Variants in SGCD observed in about 807,000 individuals in gnomAD.
SGCD encodes delta-sarcoglycan.
In SGCD, 18 loss-of-function variants were observed where a neutral mutation model predicts 36.6. The observed-to-expected ratio is 0.49, with a 90% CI of 0.34 to 0.73. SGCD has a LOEUF of 0.73. SGCD is among the 30% of genes least tolerant of loss of function. SGCD has a pLI of 0.01. For missense variants in SGCD, 387 were observed against 346.7 expected, an observed-to-expected ratio of 1.12 and a Z score of -0.92; for synonymous variants, 133 against 130.6, an observed-to-expected ratio of 1.02 and a Z score of -0.12.
chr5:156,227,764 G>A (rs182862960), intron 3 of SGCD, among the ~76,000 whole-genome samples: 17 of 152,146 alleles, frequency 1.1e-4, no homozygotes, highest in African/African-American at 2.6e-4. Context: ...CAGACTTTTC[G>A]ATGTAGGCAT....
chr5:155,924,118 T>G (rs1756946521), intron 1 of SGCD, among the ~76,000 whole-genome samples: 1 of 152,204 alleles, frequency 6.6e-6, no homozygotes, highest in Non-Finnish European at 1.5e-5. Context: ...CTCTTTTCCT[T>G]GTCCTTCTTG....
At chr5:155,811,807 A>AG in the SGCD span, among the ~76,000 whole-genome samples, 7,254 of 152,204 alleles carry the variant, frequency 0.048, 224 homozygotes, top group Middle Eastern at 0.14. Flanking sequence ...TAGTGAGGGC[A>AG]GGGGTAGGTT....
chr5:156,678,807 GC>G (rs1561853178), intron 7 of SGCD, among the ~76,000 whole-genome samples: 1 of 152,198 alleles, frequency 6.6e-6, no homozygotes, highest in Non-Finnish European at 1.5e-5. Flanking sequence ...AGCAAAGTGA[GC>G]AGTGTATGCC....
At chr5:156,416,889 G>C (rs1247335441) in intron 3 of SGCD, among the ~76,000 whole-genome samples, 2 of 152,172 alleles carry the variant, frequency 1.3e-5, no homozygotes, top group African/African-American at 4.8e-5. Flanking sequence ...TCATTTAAAT[G>C]AGTGGAAAAT....
chr5:156,278,292 T>C (rs1766371006), intron 3 of SGCD, among the ~76,000 whole-genome samples: 1 of 152,092 alleles, frequency 6.6e-6, no homozygotes, highest in Admixed American at 6.6e-5. Context: ...AGGAGTGGAA[T>C]GTTATTGAAG....
the SGCD span, among the ~76,000 whole-genome samples, chr5:155,774,335 C>T: frequency 6.6e-6 from 1 of 152,108 alleles, no homozygotes; most frequent in African/African-American, 2.4e-5. Flanking sequence ...CATTCTTTCC[C>T]CTTAAAAATG....
At chr5:155,753,223 C>T in the SGCD span, among the ~76,000 whole-genome samples, 1 of 151,812 alleles carries the variant, frequency 6.6e-6, no homozygotes, top group African/African-American at 2.4e-5. Flanking sequence ...TGTAGTCCCA[C>T]CTACTCGGGA....
At chr5:156,095,761 T>G (rs1761360690) in intron 1 of SGCD, among the ~76,000 whole-genome samples, 1 of 152,220 alleles carries the variant, frequency 6.6e-6, no homozygotes, top group Admixed American at 6.5e-5. Flanking sequence ...GTCACTCAAG[T>G]GGCTGGGTAA....
intron 3 of SGCD, among the ~76,000 whole-genome samples, chr5:156,218,110 C>G (rs1274620248): frequency 6.6e-6 from 1 of 151,948 alleles, no homozygotes; most frequent in Non-Finnish European, 1.5e-5. Flanking sequence ...CCCGTCTCTA[C>G]TAAAAATACA....
intron 3 of SGCD, among the ~76,000 whole-genome samples, chr5:156,253,020 G>A (rs1765621741): frequency 6.6e-6 from 1 of 152,108 alleles, no homozygotes; most frequent in Non-Finnish European, 1.5e-5. Context: ...TCTTTATCAA[G>A]GCTCTATGCT....
At chr5:155,905,580 G>T (rs191113767) in intron 1 of SGCD, among the ~76,000 whole-genome samples, 1 of 152,146 alleles carries the variant, frequency 6.6e-6, no homozygotes, top group East Asian at 1.9e-4. Context: ...TCATTTTATT[G>T]CATTTGGCTT....
intron 7 of SGCD, among the ~76,000 whole-genome samples, chr5:156,751,428 G>C (rs936771588): frequency 1.3e-5 from 2 of 151,824 alleles, no homozygotes; most frequent in African/African-American, 4.8e-5. Flanking sequence ...GTAAGACACA[G>C]AAAGTGCAAT....
At chr5:155,862,599 T>C in the SGCD span, among the ~76,000 whole-genome samples, 1 of 152,172 alleles carries the variant, frequency 6.6e-6, no homozygotes, top group Non-Finnish European at 1.5e-5. Context: ...AGCTCCCAAA[T>C]TGCTAGGTGA....
the SGCD span, among the ~76,000 whole-genome samples, chr5:155,761,481 C>CCATCATCCTCACCATCACCCTCTT: frequency 7.1e-6 from 1 of 141,422 alleles, no homozygotes; most frequent in Admixed American, 7.2e-5. Context: ...ATCACCCTCT[C>CCATCATCCTCACCATCACCCTCTT]CATCACCTTC....
At chr5:156,436,048 A>G (rs1444103320) in intron 3 of SGCD, among the ~76,000 whole-genome samples, 2 of 152,154 alleles carry the variant, frequency 1.3e-5, no homozygotes, top group East Asian at 3.8e-4. Flanking sequence ...CCCAAAGCCT[A>G]CACTTATCAG....
intron 3 of SGCD, among the ~76,000 whole-genome samples, chr5:156,445,626 G>A (rs1275782759): frequency 6.6e-6 from 1 of 152,096 alleles, no homozygotes; most frequent in Non-Finnish European, 1.5e-5. Context: ...TACTATTTGT[G>A]ACCTCTGTGA....
intron 3 of SGCD, among the ~76,000 whole-genome samples, chr5:156,409,190 C>T (rs1772605084): frequency 6.6e-6 from 1 of 152,102 alleles, no homozygotes; most frequent in South Asian, 2.1e-4. Flanking sequence ...TCTCAGTGCC[C>T]TCACCACCCA....
At chr5:156,098,808 G>A (rs1761445304) in intron 1 of SGCD, among the ~76,000 whole-genome samples, 1 of 152,168 alleles carries the variant, frequency 6.6e-6, no homozygotes, top group South Asian at 2.1e-4. Flanking sequence ...GGGCAAATAG[G>A]TTTTCTGGTT....
At chr5:156,400,958 T>C (rs1772115647) in intron 3 of SGCD, among the ~76,000 whole-genome samples, 1 of 152,224 alleles carries the variant, frequency 6.6e-6, no homozygotes, top group African/African-American at 2.4e-5. Flanking sequence ...GATAACCCAG[T>C]GTTGCATGCC....
Sources: gnomAD v4.1 joint callset for allele counts (sites outside exome capture counted in the v4.1 genomes callset) on GRCh38, gnomAD v4.1.1 for gene constraint, MANE v1.5 for transcripts, NCBI Gene and HGNC (gene_info 2026-07-23, HGNC 2026-07-21) for gene names.